TANGO6: variants seen among roughly 807,000 people sequenced by gnomAD.
The protein encoded by TANGO6 is transport and Golgi organization protein 6 homolog.
In TANGO6, 90 loss-of-function variants were observed where a neutral mutation model predicts 114.2. That is an observed-to-expected ratio of 0.79 (90% CI 0.66 to 0.94). TANGO6 has a LOEUF of 0.94. Among genes scored for constraint, TANGO6 ranks in the 40% least tolerant of loss-of-function variants. The pLI is 0.00. For missense variants in TANGO6, 1,274 were observed against 1,315.3 expected (o/e 0.97, Z 0.49); for synonymous variants, 477 against 509.8 (o/e 0.94, Z 0.87).
chr16:69,070,207 CA>C (rs563954695), intron 17 of TANGO6, among the ~76,000 whole-genome samples: 1 of 147,574 alleles, frequency 6.8e-6, no homozygotes. Context: ...GACTCCTTCT[CA>C]AAAAAAAAGA....
chr16:69,082,784 C>T (rs970211551), intron 17 of TANGO6, among the ~76,000 whole-genome samples: 33 of 151,904 alleles, frequency 2.2e-4, no homozygotes, highest in African/African-American at 7.5e-4. Context: ...GATAATTGCC[C>T]GTACTGTGGG....
chr16:68,892,474 A>G (rs561634863), intron 7 of TANGO6, among the ~76,000 whole-genome samples: 40 of 149,910 alleles, frequency 2.7e-4, no homozygotes, highest in African/African-American at 9.8e-4. Flanking sequence ...ACATGTTTGT[A>G]TTTGAAAAGC....
At chr16:68,851,519 T>C (rs932263126) in intron 1 of TANGO6, among the ~76,000 whole-genome samples, 1 of 152,230 alleles carries the variant, frequency 6.6e-6, no homozygotes, top group Non-Finnish European at 1.5e-5. Flanking sequence ...GTATAAATCT[T>C]CCGTTTTCTC....
chr16:69,046,415 T>C (rs1959859509), intron 17 of TANGO6, among the ~76,000 whole-genome samples: 1 of 151,994 alleles, frequency 6.6e-6, no homozygotes, highest in Non-Finnish European at 1.5e-5. Flanking sequence ...TGCCTACCTA[T>C]TCAAGCGATT....
At chr16:68,849,335 A>C (rs1243440363) in intron 1 of TANGO6, among the ~76,000 whole-genome samples, 1 of 151,806 alleles carries the variant, frequency 6.6e-6, no homozygotes, top group Non-Finnish European at 1.5e-5. Context: ...CCCTGTCCCA[A>C]AAAAAAAGAA....
intron 7 of TANGO6, among the ~76,000 whole-genome samples, chr16:68,882,319 A>G (rs1223335379): frequency 1.3e-5 from 2 of 151,824 alleles, no homozygotes; most frequent in African/African-American, 4.8e-5. Flanking sequence ...ACATGGTGAA[A>G]CCCCGTCTCT....
At chr16:69,053,884 C>T (rs1426129745) in intron 17 of TANGO6, among the ~76,000 whole-genome samples, 2 of 151,882 alleles carry the variant, frequency 1.3e-5, no homozygotes, top group Non-Finnish European at 2.9e-5. Flanking sequence ...GCCAACATGG[C>T]GAAACCCGTC....
chr16:69,005,078 A>G (rs1382556641), intron 15 of TANGO6, among the ~76,000 whole-genome samples: 1 of 152,130 alleles, frequency 6.6e-6, no homozygotes, highest in Non-Finnish European at 1.5e-5. Flanking sequence ...GCATCTTGGG[A>G]GTGTCCAACA....
At chr16:68,889,523 G>A (rs1295283843) in intron 7 of TANGO6, among the ~76,000 whole-genome samples, 1 of 152,144 alleles carries the variant, frequency 6.6e-6, no homozygotes, top group Non-Finnish European at 1.5e-5. Context: ...ACTTTATAGT[G>A]AAAAGTTAGT....
At position 68,919,175 on chromosome 16, in the gene TANGO6, A is replaced by T. The variant is rs368530520; in HGVS notation, c.2083A>T (p.Met695Leu). The change falls in exon 12 of 18, where the codon ATG becomes TTG. Residue 695 changes from methionine (M) to leucine (L), a missense_variant. Transcript: ENST00000261778. Reference sequence around the variant, plus strand: ...CACCGTGGAATCACAGACGCTGAGCATGTCCATGGGGCTGGTGGCTGTCAT... The same window carrying T: ...CACCGTGGAATCACAGACGCTGAGCTTGTCCATGGGGCTGGTGGCTGTCAT... Reference protein sequence around the residue: ...ESTVESQTLSMSMGLVAVMLG... With the variant: ...ESTVESQTLSLSMGLVAVMLG... 83 of 1,612,956 alleles carry T rather than the reference A, an allele frequency of 5.1e-5. No homozygotes were observed. Among genetic ancestry groups the T allele is most frequent in the Middle Eastern group, 1.7e-4 (1 of 6,056 alleles).
chr16:68,980,443 T>A (rs1963822470), intron 15 of TANGO6, among the ~76,000 whole-genome samples: 4 of 109,444 alleles, frequency 3.7e-5, no homozygotes, highest in Non-Finnish European at 4.0e-5. Context: ...ATATTTTTTT[T>A]TTTTTTTTTG....
chr16:68,954,942 T>C (rs547016567), intron 14 of TANGO6, among the ~76,000 whole-genome samples: 69 of 152,316 alleles, frequency 4.5e-4, no homozygotes, highest in Middle Eastern at 6.8e-3. Flanking sequence ...TGAACACGTA[T>C]TGATTTTATA....
chr16:68,930,192 C>T (rs1963220815), intron 13 of TANGO6, 46 bp from the exon 14 acceptor site: 4 of 1,515,250 alleles, frequency 2.6e-6, no homozygotes, highest in Admixed American at 2.0e-5. Context: ...CTTAAATCTT[C>T]CTTGTTCTTT....
intron 6 of TANGO6, 49 bp downstream of exon 6, chr16:68,878,329 C>T: frequency 6.5e-7 from 1 of 1,532,286 alleles, no homozygotes; most frequent in Non-Finnish European, 8.8e-7. Context: ...GGACCTTCTT[C>T]AGTATTTCAC....
intron 16 of TANGO6, chr16:69,035,307 G>C (rs945236139): frequency 3.3e-5 from 5 of 152,208 alleles, no homozygotes; most frequent in Admixed American, 1.3e-4. Flanking sequence ...TGGTCACATT[G>C]TCTTTGCTGT....
At chr16:68,987,041 T>G (rs1352489261) in intron 15 of TANGO6, among the ~76,000 whole-genome samples, 3 of 152,172 alleles carry the variant, frequency 2.0e-5, no homozygotes, top group African/African-American at 7.2e-5. Flanking sequence ...TGGCTTCACC[T>G]GGTAATTAAG....
chr16:69,067,518 C>CAAAAAA (rs1199698790), intron 17 of TANGO6, among the ~76,000 whole-genome samples: 5 of 43,726 alleles, frequency 1.1e-4, no homozygotes, highest in Non-Finnish European at 1.6e-4. Flanking sequence ...AACTCCATCT[C>CAAAAAA]AAAAAAAAAA....
chr16:69,035,667 GGATGGCTTTTA>G (rs1959674015), intron 16 of TANGO6: 1 of 152,148 alleles, frequency 6.6e-6, no homozygotes, highest in African/African-American at 2.4e-5. Flanking sequence ...CTTTCTCTCT[GGATGGCTTTTA>G]GAAGTGGACA....
At chr16:69,034,757 G>A (rs1959658902) in intron 16 of TANGO6, 1 of 152,056 alleles carries the variant, frequency 6.6e-6, no homozygotes, top group South Asian at 2.1e-4. Flanking sequence ...TGGTCGGGAA[G>A]GAATATAAAG....
Sources: gnomAD v4.1 joint callset for allele counts (sites outside exome capture counted in the v4.1 genomes callset) on GRCh38, gnomAD v4.1.1 for gene constraint, MANE v1.5 for transcripts, NCBI Gene and HGNC (gene_info 2026-07-23, HGNC 2026-07-21) for gene names.